LRRC37A2: variants seen among roughly 807,000 people sequenced by gnomAD.
The protein encoded by LRRC37A2 is leucine-rich repeat-containing protein 37A2.
Under a neutral mutation model 68.8 loss-of-function variants are expected in LRRC37A2, and 9 were observed. The ratio of observed to expected loss-of-function variants is 0.13; its 90% CI spans 0.08 to 0.23. LRRC37A2 has a LOEUF of 0.23. Among genes scored for constraint, LRRC37A2 ranks in the 10% least tolerant of loss-of-function variants. The pLI is 1.00. For synonymous variants in LRRC37A2, 63 were observed against 367.6 expected, an observed-to-expected ratio of 0.17 and a Z score of 9.48; for missense variants, 168 against 950.4, an observed-to-expected ratio of 0.18 and a Z score of 10.82.
chr17:46,815,635 G>A, the LRRC37A2 span, among the ~76,000 whole-genome samples: 4 of 151,830 alleles, frequency 2.6e-5, no homozygotes, highest in Non-Finnish European at 5.9e-5. Context: ...CCCTGAGAAG[G>A]TGACTCACCC....
chr17:46,437,688 G>A, the LRRC37A2 span, among the ~76,000 whole-genome samples: 2 of 150,760 alleles, frequency 1.3e-5, no homozygotes, highest in Admixed American at 6.6e-5. Context: ...TATCCTCGAT[G>A]ATATGATTTT....
At chr17:47,028,533 T>G in the LRRC37A2 span, among the ~76,000 whole-genome samples, 1 of 152,190 alleles carries the variant, frequency 6.6e-6, no homozygotes, top group Admixed American at 6.5e-5. Flanking sequence ...GAGACTTACA[T>G]AGCTTATATA....
the LRRC37A2 span, among the ~76,000 whole-genome samples, chr17:46,891,345 G>A: frequency 6.6e-6 from 1 of 152,184 alleles, no homozygotes; most frequent in East Asian, 1.9e-4. Flanking sequence ...AGGAAACTGA[G>A]GCTCAGAGAG....
the LRRC37A2 span, chr17:46,875,083 C>T: frequency 1.2e-6 from 2 of 1,613,420 alleles, no homozygotes; most frequent in Admixed American, 1.7e-5. Context: ...TCCCTATGCC[C>T]CTGGGTGCCC....
chr17:46,888,762 G>A, the LRRC37A2 span, among the ~76,000 whole-genome samples: 1 of 152,144 alleles, frequency 6.6e-6, no homozygotes, highest in African/African-American at 2.4e-5. Context: ...CAAGGCAGCA[G>A]CATACCGTTC....
chr17:46,585,217 C>G, the LRRC37A2 span, among the ~76,000 whole-genome samples: 75 of 148,856 alleles, frequency 5.0e-4, 1 homozygote, highest in South Asian at 0.014. Flanking sequence ...ACTTGAGAGG[C>G]TGAAGCAGGA....
chr17:46,764,379 TA>T, the LRRC37A2 span: 1 of 152,584 alleles, frequency 6.6e-6, no homozygotes, highest in Non-Finnish European at 1.5e-5. Flanking sequence ...CCTAGAGAAC[TA>T]AAAAGAAAGC....
chr17:46,985,649 G>A, the LRRC37A2 span, among the ~76,000 whole-genome samples: 964 of 152,198 alleles, frequency 6.3e-3, 3 homozygotes, highest in Non-Finnish European at 0.01. Context: ...AGGTGACATG[G>A]AGCTCACAAC....
At chr17:46,496,690 G>A in the LRRC37A2 span, among the ~76,000 whole-genome samples, 1 of 135,220 alleles carries the variant, frequency 7.4e-6, no homozygotes, top group Non-Finnish European at 1.6e-5. Flanking sequence ...CGAGGCAGGT[G>A]AATCACCTGA....
the LRRC37A2 span, among the ~76,000 whole-genome samples, chr17:46,866,102 T>C: frequency 6.6e-6 from 1 of 152,136 alleles, no homozygotes; most frequent in Non-Finnish European, 1.5e-5. Context: ...CATTGGGTGC[T>C]GTAGAAGAGA....
chr17:46,715,796 A>G, the LRRC37A2 span, among the ~76,000 whole-genome samples: 1 of 152,232 alleles, frequency 6.6e-6, no homozygotes, highest in Non-Finnish European at 1.5e-5. Context: ...TTAATCTTCA[A>G]ATTGTTGAAG....
chr17:46,954,614 G>A, the LRRC37A2 span, among the ~76,000 whole-genome samples: 378 of 152,242 alleles, frequency 2.5e-3, 2 homozygotes, highest in Middle Eastern at 0.038. Context: ...AATTACCTTG[G>A]TCAGTATGGC....
the LRRC37A2 span, among the ~76,000 whole-genome samples, chr17:46,499,037 A>G: frequency 6.7e-6 from 1 of 149,570 alleles, no homozygotes; most frequent in African/African-American, 2.5e-5. Flanking sequence ...TCTATAGGCC[A>G]GGCATGGTGG....
the LRRC37A2 span, among the ~76,000 whole-genome samples, chr17:46,747,667 AAAAT>A: frequency 1.3e-5 from 2 of 152,218 alleles, no homozygotes; most frequent in Non-Finnish European, 2.9e-5. Flanking sequence ...TTAGAACTGA[AAAAT>A]AAGTTAGTGT....
the LRRC37A2 span, chr17:46,935,257 T>C: frequency 1.1e-5 from 18 of 1,606,404 alleles, no homozygotes; most frequent in African/African-American, 2.3e-4. Flanking sequence ...TTTGATTACG[T>C]GTCCTCAAAT....
At chr17:46,839,860 C>T in the LRRC37A2 span, among the ~76,000 whole-genome samples, 3 of 152,182 alleles carry the variant, frequency 2.0e-5, no homozygotes, top group East Asian at 5.8e-4. Context: ...ATGAACTCAT[C>T]CTTTTTCATG....
chr17:46,939,410 A>C, the LRRC37A2 span: 3 of 994,576 alleles, frequency 3.0e-6, no homozygotes, highest in Non-Finnish European at 3.6e-6. Context: ...TCTCTTTTCT[A>C]AAGTGAGGCC....
chr17:46,997,046 G>T, the LRRC37A2 span, among the ~76,000 whole-genome samples: 2 of 152,150 alleles, frequency 1.3e-5, no homozygotes, highest in African/African-American at 4.8e-5. Flanking sequence ...CAGGATGATA[G>T]AATTAGAATA....
chr17:46,780,965 G>A, the LRRC37A2 span, among the ~76,000 whole-genome samples: 1 of 152,050 alleles, frequency 6.6e-6, no homozygotes, highest in East Asian at 1.9e-4. Context: ...AGCGGGTGTG[G>A]TGGCGGTAAT....
Sources: allele counts gnomAD v4.1 joint callset (sites outside exome capture counted in the v4.1 genomes callset), GRCh38; gene constraint gnomAD v4.1.1; transcripts MANE v1.5; gene names NCBI Gene and HGNC (gene_info 2026-07-23, HGNC 2026-07-21).